RBFOX1: variants seen among roughly 807,000 people sequenced by gnomAD.
RBFOX1 encodes RNA binding protein fox-1 homolog 1.
RBFOX1 carries 8 observed loss-of-function variants against 57.7 expected under a neutral mutation model. The ratio of observed to expected loss-of-function variants is 0.14; its 90% confidence interval spans 0.08 to 0.25. The LOEUF (loss-of-function observed/expected upper bound fraction) is 0.25. Ranked by LOEUF, RBFOX1 falls within the 10% of genes least tolerant of loss-of-function variation. The probability of loss-of-function intolerance (pLI) is 1.00; values close to 1 mark genes in which losing one functional copy is unlikely to be tolerated. For missense variants in RBFOX1, 611 were observed against 548.5 expected (o/e 1.11, Z -1.14); for synonymous variants, 326 against 222.4 (o/e 1.47, Z -4.15).
chr16:7,193,026 C>T (rs1409881115), intron 4 of RBFOX1, among the ~76,000 whole-genome samples: 1 of 152,188 alleles, frequency 6.6e-6, no homozygotes. Context: ...TTACCTATGG[C>T]CATGTCTTAA....
intron 7 of RBFOX1, among the ~76,000 whole-genome samples, chr16:7,591,313 C>G (rs1329434311): frequency 6.6e-6 from 1 of 152,124 alleles, no homozygotes; most frequent in Non-Finnish European, 1.5e-5. Flanking sequence ...TATGAATTCT[C>G]TGCACCAGAA....
chr16:7,091,262 A>T (rs75885813), intron 4 of RBFOX1, among the ~76,000 whole-genome samples: 4,569 of 142,484 alleles, frequency 0.032, 140 homozygotes, highest in African/African-American at 0.084. Context: ...TTTAATTTTA[A>T]CTTTACTTTT....
chr16:5,457,922 A>G (rs564128434), intron 1 of RBFOX1, among the ~76,000 whole-genome samples: 44 of 152,270 alleles, frequency 2.9e-4, no homozygotes, highest in South Asian at 6.2e-4. Flanking sequence ...AACGAAAGCC[A>G]TGACTGCCAT....
intron 2 of RBFOX1, among the ~76,000 whole-genome samples, chr16:6,646,189 G>A (rs567028434): frequency 7.9e-5 from 12 of 152,000 alleles, no homozygotes; most frequent in South Asian, 2.1e-4. Context: ...AGGTCAGGTC[G>A]GAACCCACCC....
chr16:6,374,188 A>G (rs1404061314), intron 2 of RBFOX1, among the ~76,000 whole-genome samples: 1 of 152,218 alleles, frequency 6.6e-6, no homozygotes. Context: ...AAATTATTCA[A>G]GTAGTCTACT....
chr16:6,527,162 A>T (rs967427757), intron 2 of RBFOX1, among the ~76,000 whole-genome samples: 1 of 152,216 alleles, frequency 6.6e-6, no homozygotes. Flanking sequence ...CAAAAATATA[A>T]AAAGGGATAT....
chr16:6,619,922 A>T (rs2098202676), intron 2 of RBFOX1, among the ~76,000 whole-genome samples: 1 of 151,962 alleles, frequency 6.6e-6, no homozygotes. Context: ...ACGTGTTCTC[A>T]TGGTTTAAGT....
chr16:6,855,855 C>CTGT (rs1375300806), intron 3 of RBFOX1, among the ~76,000 whole-genome samples: 8 of 150,562 alleles, frequency 5.3e-5, no homozygotes, highest in South Asian at 2.1e-4. Flanking sequence ...CTTTCCCTCC[C>CTGT]TTCCTTTCTT....
At chr16:5,576,223 G>C (rs1567248704) in intron 2 of RBFOX1, among the ~76,000 whole-genome samples, 3 of 152,186 alleles carry the variant, frequency 2.0e-5, no homozygotes, top group Non-Finnish European at 4.4e-5. Context: ...CTGACCTCAA[G>C]TGATCCAGGC....
chr16:7,107,516 A>C (rs1162279074), intron 4 of RBFOX1, among the ~76,000 whole-genome samples: 1 of 152,082 alleles, frequency 6.6e-6, no homozygotes, highest in Non-Finnish European at 1.5e-5. Context: ...TGTAAAGTGT[A>C]CATTTTGATA....
intron 5 of RBFOX1, among the ~76,000 whole-genome samples, chr16:7,578,352 G>A (rs2093491699): frequency 6.6e-6 from 1 of 152,172 alleles, no homozygotes; most frequent in Non-Finnish European, 1.5e-5. Context: ...GCACTTAAAA[G>A]CTGAAGTCAA....
At chr16:7,661,509 C>G (rs1459280301) in intron 12 of RBFOX1, among the ~76,000 whole-genome samples, 1 of 152,200 alleles carries the variant, frequency 6.6e-6, no homozygotes, top group Non-Finnish European at 1.5e-5. Flanking sequence ...TTTGCTTAGC[C>G]TCTCTCGTCT....
chr16:7,217,292 CT>C (rs71147672), intron 4 of RBFOX1, among the ~76,000 whole-genome samples: 14 of 104,072 alleles, frequency 1.3e-4, no homozygotes, highest in South Asian at 1.0e-3. Flanking sequence ...TCTTATTCTT[CT>C]TTTTTTTTTT....
intron 1 of RBFOX1, among the ~76,000 whole-genome samples, chr16:6,061,676 C>T (rs2095688020): frequency 6.6e-6 from 1 of 151,972 alleles, no homozygotes; most frequent in Admixed American, 6.6e-5. Flanking sequence ...ATGGATAAAT[C>T]TATGTACATA....
intron 1 of RBFOX1, among the ~76,000 whole-genome samples, chr16:5,306,197 C>G (rs1034201820): frequency 6.6e-6 from 1 of 152,088 alleles, no homozygotes. Context: ...AAGACCCTGT[C>G]TCCAAAAAAC....
At chr16:7,608,979 G>A (rs896543739) in intron 10 of RBFOX1, among the ~76,000 whole-genome samples, 3 of 152,080 alleles carry the variant, frequency 2.0e-5, no homozygotes, top group African/African-American at 7.2e-5. Context: ...TTCTGGGATC[G>A]GGGGCATGGC....
intron 2 of RBFOX1, among the ~76,000 whole-genome samples, chr16:6,329,295 A>G (rs1381272746): frequency 6.6e-6 from 1 of 152,214 alleles, no homozygotes; most frequent in African/African-American, 2.4e-5. Context: ...TTTCATCCTT[A>G]TAATGACTGA....
At chr16:6,676,939 G>C (rs1289921894) in intron 3 of RBFOX1, among the ~76,000 whole-genome samples, 2 of 151,842 alleles carry the variant, frequency 1.3e-5, no homozygotes, top group South Asian at 2.1e-4. Context: ...GCCTCCCAAA[G>C]TGCTGGGATT....
At chr16:6,958,303 C>T (rs576151261) in intron 3 of RBFOX1, among the ~76,000 whole-genome samples, 6 of 152,188 alleles carry the variant, frequency 3.9e-5, no homozygotes, top group Non-Finnish European at 8.8e-5. Context: ...CCAACACACT[C>T]TATTCAAAAT....
Sources: gnomAD v4.1 joint callset for allele counts (sites outside exome capture counted in the v4.1 genomes callset) on GRCh38, gnomAD v4.1.1 for gene constraint, MANE v1.5 for transcripts, NCBI Gene and HGNC (gene_info 2026-07-23, HGNC 2026-07-21) for gene names.